PPP2R3A: variants seen among roughly 807,000 people sequenced by gnomAD.
PPP2R3A encodes the protein serine/threonine-protein phosphatase 2A regulatory subunit B'' subunit alpha.
Under a neutral mutation model 106.9 loss-of-function variants are expected in PPP2R3A, and 80 were observed. The ratio of observed to expected loss-of-function variants is 0.75; its 90% confidence interval spans 0.62 to 0.90. The LOEUF (loss-of-function observed/expected upper bound fraction) is 0.90. PPP2R3A is among the 40% of genes least tolerant of loss of function. The pLI, the probability that PPP2R3A is intolerant of heterozygous loss-of-function variation, is 0.00. For synonymous variants in PPP2R3A, 483 were observed against 468.3 expected, an observed-to-expected ratio of 1.03 and a Z score of -0.41; for missense variants, 1,386 against 1,350.4, an observed-to-expected ratio of 1.03 and a Z score of -0.41.
At chr3:136,063,036 A>G (rs1019653193) in intron 5 of PPP2R3A, among the ~76,000 whole-genome samples, 2 of 152,178 alleles carry the variant, frequency 1.3e-5, no homozygotes, top group African/African-American at 4.8e-5. Flanking sequence ...CAAGGCTACA[A>G]TAACCAAAAC....
rs1934430166 is a variant in PPP2R3A at position 136,020,546 on chromosome 3, A to G, written c.1996-6286A>G. ...CACCCTTACCTAATTTTACAGCAAA[A>G]TCTTTTTAGTAGTTTACTTTTACTA... On this transcript the variant is annotated intron_variant, in intron 2 of 13. Coordinates refer to ENST00000264977, the MANE Select transcript of PPP2R3A (RefSeq NM_002718.5). Among the ~76,000 whole-genome samples, 3 of 151,982 alleles carry G rather than the reference A, an allele frequency of 2.0e-5. No homozygotes were observed. In the South Asian group the frequency reaches 6.2e-4, roughly 32 times the overall value.
At chr3:135,977,001 T>C (rs1937436797) in intron 1 of PPP2R3A, among the ~76,000 whole-genome samples, 1 of 152,172 alleles carries the variant, frequency 6.6e-6, no homozygotes, top group East Asian at 1.9e-4. Flanking sequence ...TCTTTGTTTC[T>C]ACACCATTAA....
intron 3 of PPP2R3A, 136 bp downstream of exon 3, chr3:136,027,234 TG>T: frequency 1.2e-6 from 1 of 810,978 alleles, no homozygotes. Flanking sequence ...GAATTGTTGT[TG>T]TTTTTCCCAT....
At chr3:136,065,528 C>T (rs1936238602) in intron 5 of PPP2R3A, among the ~76,000 whole-genome samples, 1 of 152,066 alleles carries the variant, frequency 6.6e-6, no homozygotes, top group Non-Finnish European at 1.5e-5. Context: ...GTACCCCTCA[C>T]CTAGTCCCAG....
chr3:136,080,534 G>A (rs1032345145), intron 7 of PPP2R3A, among the ~76,000 whole-genome samples: 6 of 152,256 alleles, frequency 3.9e-5, no homozygotes, highest in South Asian at 2.1e-4. Flanking sequence ...AAATAATAGC[G>A]CTTTGCTTCT....
intron 2 of PPP2R3A, among the ~76,000 whole-genome samples, chr3:136,006,746 C>A (rs900438176): frequency 6.6e-6 from 1 of 152,178 alleles, no homozygotes; most frequent in Non-Finnish European, 1.5e-5. Flanking sequence ...CTCCAAATAC[C>A]TTTTGTCCCA....
At chr3:136,035,628 G>A (rs1207183991) in intron 3 of PPP2R3A, among the ~76,000 whole-genome samples, 6 of 152,096 alleles carry the variant, frequency 3.9e-5, no homozygotes, top group African/African-American at 1.2e-4. Flanking sequence ...TTTAGGTTAC[G>A]TAGTACTTTG....
intron 13 of PPP2R3A, among the ~76,000 whole-genome samples, chr3:136,139,562 ATG>A (rs1184672911): frequency 6.6e-6 from 1 of 151,776 alleles, no homozygotes; most frequent in African/African-American, 2.4e-5. Flanking sequence ...GCATGGTGTT[ATG>A]TGCCTGTAAT....
intron 3 of PPP2R3A, among the ~76,000 whole-genome samples, chr3:136,035,326 G>T (rs921533907): frequency 6.6e-6 from 1 of 152,146 alleles, no homozygotes; most frequent in African/African-American, 2.4e-5. Context: ...TATAGGTCCT[G>T]TGGGATTTAT....
intron 5 of PPP2R3A, among the ~76,000 whole-genome samples, chr3:136,059,635 A>T (rs1412682741): frequency 6.6e-6 from 1 of 152,222 alleles, no homozygotes; most frequent in Non-Finnish European, 1.5e-5. Flanking sequence ...GGGTATGTAT[A>T]CAAAGGAATA....
chr3:135,991,580 C>T (rs1933164234), intron 1 of PPP2R3A, among the ~76,000 whole-genome samples: 1 of 152,156 alleles, frequency 6.6e-6, no homozygotes, highest in Non-Finnish European at 1.5e-5. Flanking sequence ...ATCATACTTC[C>T]CATATCAAAT....
At chr3:136,006,637 A>G (rs949202662) in intron 2 of PPP2R3A, among the ~76,000 whole-genome samples, 2 of 152,210 alleles carry the variant, frequency 1.3e-5, no homozygotes, top group South Asian at 2.1e-4. Flanking sequence ...AACCCATCTT[A>G]AGCAAATAGA....
chr3:135,966,352 G>A (rs1481128914), intron 1 of PPP2R3A, among the ~76,000 whole-genome samples: 1 of 152,188 alleles, frequency 6.6e-6, no homozygotes, highest in East Asian at 1.9e-4. Context: ...GCCAAAGAAG[G>A]ATGTGTCACC....
intron 13 of PPP2R3A, among the ~76,000 whole-genome samples, chr3:136,114,737 C>T (rs184327838): frequency 3.3e-5 from 5 of 152,272 alleles, no homozygotes; most frequent in Admixed American, 6.5e-5. Flanking sequence ...CTAGATTGCT[C>T]CTCTCTGGGC....
At chr3:136,115,930 G>A (rs892870408) in intron 13 of PPP2R3A, among the ~76,000 whole-genome samples, 1 of 151,896 alleles carries the variant, frequency 6.6e-6, no homozygotes, top group South Asian at 2.1e-4. Context: ...GAGCAACCCC[G>A]AGACTTGTAA....
chr3:135,970,221 G>A (rs1937205510), intron 1 of PPP2R3A, among the ~76,000 whole-genome samples: 1 of 152,240 alleles, frequency 6.6e-6, no homozygotes, highest in Non-Finnish European at 1.5e-5. Context: ...TTGAAGTTTA[G>A]TAGAGGAGGA....
intron 4 of PPP2R3A, among the ~76,000 whole-genome samples, chr3:136,041,238 G>GTTTTTTTTTTTTTTTTTTT (rs67116006): frequency 1.4e-4 from 13 of 92,872 alleles, no homozygotes; most frequent in African/African-American, 5.0e-4. Flanking sequence ...GGTTTTTCTT[G>GTTTTTTTTTTTTTTTTTTT]TTTTTTTTTT....
intron 7 of PPP2R3A, chr3:136,079,406 ATT>A (rs199806582): frequency 0.028 from 4,393 of 156,320 alleles, 102 homozygotes; most frequent in African/African-American, 0.074. Context: ...ATAATCCATA[ATT>A]TTTTTTTTTT....
chr3:136,021,782 G>A (rs946554366), intron 2 of PPP2R3A, among the ~76,000 whole-genome samples: 14 of 152,130 alleles, frequency 9.2e-5, no homozygotes, highest in South Asian at 4.1e-4. Flanking sequence ...AAGTATGGTT[G>A]CATATGTATT....
Sources: allele counts gnomAD v4.1 joint callset (sites outside exome capture counted in the v4.1 genomes callset), GRCh38; gene constraint gnomAD v4.1.1; transcripts MANE v1.5; gene names NCBI Gene and HGNC (gene_info 2026-07-23, HGNC 2026-07-21).